PARD3: variants seen among roughly 807,000 people sequenced by gnomAD.
The protein encoded by PARD3 is par-3 family cell polarity regulator.
Under a neutral mutation model 155.4 loss-of-function variants are expected in PARD3, and 75 were observed. The ratio of observed to expected loss-of-function variants is 0.48; its 90% CI spans 0.40 to 0.58. The LOEUF (loss-of-function observed/expected upper bound fraction) is 0.58, where lower values mean the gene tolerates loss of function less well. PARD3 is among the 20% of genes least tolerant of loss of function. The pLI is 0.00. For synonymous variants in PARD3, 576 were observed against 610.5 expected (o/e 0.94, Z 0.83); for missense variants, 1,642 against 1,721.7 (o/e 0.95, Z 0.82).
chr10:34,372,361 G>T, intron 12 of PARD3, 137 bp downstream of exon 12: 1 of 667,632 alleles, frequency 1.5e-6, no homozygotes, highest in South Asian at 1.9e-5. Context: ...AGACCACTTT[G>T]GCATTTAATA....
intron 1 of PARD3, among the ~76,000 whole-genome samples, chr10:34,764,558 T>C (rs1837848030): frequency 6.6e-6 from 1 of 152,086 alleles, no homozygotes; most frequent in East Asian, 1.9e-4. Context: ...AGACCGGCCA[T>C]GTGTCTGTGC....
At chr10:34,355,357 T>C (rs1271527085) in intron 14 of PARD3, among the ~76,000 whole-genome samples, 1 of 151,716 alleles carries the variant, frequency 6.6e-6, no homozygotes, top group Non-Finnish European at 1.5e-5. Flanking sequence ...AGAGGGAAAT[T>C]CTAGAGGTAG....
At chr10:34,252,732 A>C (rs559844310) in intron 22 of PARD3, among the ~76,000 whole-genome samples, 100 of 150,954 alleles carry the variant, frequency 6.6e-4, no homozygotes, top group African/African-American at 2.4e-3. Context: ...ATAACTTTAT[A>C]TATATGTGTA....
chr10:34,522,036 C>A (rs2082179573), intron 2 of PARD3, among the ~76,000 whole-genome samples: 1 of 152,080 alleles, frequency 6.6e-6, no homozygotes, highest in African/African-American at 2.4e-5. Flanking sequence ...TTATCCATGT[C>A]CAAACTCCTG....
chr10:34,176,947 T>TTGTGTGTGTGTGTG (rs55740137), intron 22 of PARD3, among the ~76,000 whole-genome samples: 5 of 149,576 alleles, frequency 3.3e-5, no homozygotes, highest in African/African-American at 1.2e-4. Context: ...GAGAAGCAGG[T>TTGTGTGTGTGTGTG]TGTGTGTGTG....
intron 4 of PARD3, among the ~76,000 whole-genome samples, chr10:34,461,363 G>C (rs2132948981): frequency 1.3e-5 from 2 of 152,328 alleles, no homozygotes; most frequent in South Asian, 4.1e-4. Flanking sequence ...CCAGCACTTT[G>C]GGAGGCCGAG....
At chr10:34,573,457 T>G (rs1005689785) in intron 2 of PARD3, among the ~76,000 whole-genome samples, 15 of 152,100 alleles carry the variant, frequency 9.9e-5, no homozygotes, top group Middle Eastern at 3.4e-3. Context: ...ATCCTAGCAC[T>G]TTGGGAGGCC....
intron 1 of PARD3, among the ~76,000 whole-genome samples, chr10:34,786,400 G>T (rs1251229193): frequency 2.6e-5 from 4 of 152,132 alleles, no homozygotes; most frequent in African/African-American, 9.7e-5. Flanking sequence ...ATAGCCCAAA[G>T]AAACAAAGAA....
intron 1 of PARD3, among the ~76,000 whole-genome samples, chr10:34,756,526 C>T (rs1437874619): frequency 7.5e-6 from 1 of 133,420 alleles, no homozygotes; most frequent in Non-Finnish European, 1.6e-5. Context: ...TAGGCTGTGG[C>T]GTAGTGGTAG....
chr10:34,166,183 AAT>A (rs1233960494), intron 22 of PARD3, among the ~76,000 whole-genome samples: 1 of 152,216 alleles, frequency 6.6e-6, no homozygotes, highest in Non-Finnish European at 1.5e-5. Flanking sequence ...TAAATTTAGC[AAT>A]AGAGCTTGGT....
chr10:34,318,512 T>A (rs1428589177), intron 19 of PARD3, among the ~76,000 whole-genome samples: 4 of 152,154 alleles, frequency 2.6e-5, no homozygotes, highest in Non-Finnish European at 4.4e-5. Context: ...ATCAAGTTAA[T>A]ATATCCTCAG....
At chr10:34,251,164 G>A (rs886338399) in intron 22 of PARD3, among the ~76,000 whole-genome samples, 12 of 152,296 alleles carry the variant, frequency 7.9e-5, no homozygotes, top group African/African-American at 2.9e-4. Context: ...AGGTAAAGAG[G>A]TACAGACATC....
intron 3 of PARD3, among the ~76,000 whole-genome samples, chr10:34,503,644 A>G (rs2080859617): frequency 6.6e-6 from 1 of 152,226 alleles, no homozygotes; most frequent in African/African-American, 2.4e-5. Flanking sequence ...ACACCGCAGG[A>G]TAGACAACAG....
At chr10:34,535,815 T>TAA (rs34906640) in intron 2 of PARD3, among the ~76,000 whole-genome samples, 1,531 of 147,654 alleles carry the variant, frequency 0.01, 24 homozygotes, top group African/African-American at 0.032. Context: ...CAATTATCTT[T>TAA]AAAAAAAAAA....
At position 34,279,011 on chromosome 10, in the gene PARD3, T is replaced by C. The variant is rs371243625; in HGVS notation, c.3176+5124A>G. Among the ~76,000 whole-genome samples, 127 of 152,274 alleles carry C rather than the reference T, an allele frequency of 8.3e-4. 1 individual carries two copies. In the South Asian group the frequency reaches 0.026, roughly 31 times the overall value. ...GAGATGCTCTTAAGCCAAATATATC[T>C]AGGACAGCTCTCATCAGAAAGCAAA... is the stretch of plus-strand genomic sequence containing the variant. On this transcript the variant is annotated intron_variant, in intron 21 of 24. Transcript: ENST00000374788.
intron 1 of PARD3, among the ~76,000 whole-genome samples, chr10:34,703,066 T>A (rs546543821): frequency 1.3e-5 from 2 of 152,018 alleles, no homozygotes; most frequent in South Asian, 4.2e-4. Context: ...AGAATTTTTT[T>A]AAAAAAAGTA....
intron 4 of PARD3, among the ~76,000 whole-genome samples, chr10:34,450,885 A>T (rs2077019188): frequency 6.6e-6 from 1 of 152,208 alleles, no homozygotes; most frequent in Non-Finnish European, 1.5e-5. Flanking sequence ...AATAAGGAAG[A>T]TTAATAAATT....
At chr10:34,638,072 G>C (rs1186354309) in intron 2 of PARD3, among the ~76,000 whole-genome samples, 3 of 152,162 alleles carry the variant, frequency 2.0e-5, no homozygotes, top group African/African-American at 4.8e-5. Context: ...TGATAGTCTG[G>C]TAGACAAAAG....
chr10:34,793,789 A>G (rs1841946886), intron 1 of PARD3, among the ~76,000 whole-genome samples: 1 of 152,200 alleles, frequency 6.6e-6, no homozygotes, highest in African/African-American at 2.4e-5. Flanking sequence ...AAAAAAAAAA[A>G]AAAAATTTTA....
Sources: allele counts gnomAD v4.1 joint callset (sites outside exome capture counted in the v4.1 genomes callset), GRCh38; gene constraint gnomAD v4.1.1; transcripts MANE v1.5; gene names NCBI Gene and HGNC (gene_info 2026-07-23, HGNC 2026-07-21).